SLC25A21: variants seen among roughly 807,000 people sequenced by gnomAD.
The protein encoded by SLC25A21 is solute carrier family 25 member 21, also known as mitochondrial 2-oxodicarboxylate carrier.
SLC25A21 carries 47 observed loss-of-function variants against 43.8 expected under a neutral mutation model. The observed-to-expected ratio is 1.07, with a 90% CI of 0.85 to 1.37. SLC25A21 has a LOEUF of 1.37. Among genes scored for constraint, SLC25A21 ranks in the 40% most tolerant of loss-of-function variants. The pLI is 0.00. For missense variants in SLC25A21, 352 were observed against 350.2 expected, an observed-to-expected ratio of 1.00 and a Z score of -0.04; for synonymous variants, 131 against 121.3, an observed-to-expected ratio of 1.08 and a Z score of -0.52.
At chr14:36,708,765 T>C (rs201965187) in intron 7 of SLC25A21, among the ~76,000 whole-genome samples, 1 of 100,136 alleles carries the variant, frequency 1.0e-5, no homozygotes, top group Admixed American at 1.1e-4. Context: ...TTTTTTTTTT[T>C]GTAGCGATGA....
At chr14:37,126,354 A>G (rs572614326) in intron 1 of SLC25A21, among the ~76,000 whole-genome samples, 1 of 152,168 alleles carries the variant, frequency 6.6e-6, no homozygotes, top group South Asian at 2.1e-4. Flanking sequence ...CAATGCCCTC[A>G]CTATAATATA....
chr14:36,757,555 C>T (rs891470951), intron 3 of SLC25A21, among the ~76,000 whole-genome samples: 3 of 152,140 alleles, frequency 2.0e-5, no homozygotes, highest in Admixed American at 2.0e-4. Context: ...CCATTACTTG[C>T]CTTTTGTACT....
intron 1 of SLC25A21, among the ~76,000 whole-genome samples, chr14:37,019,893 T>C (rs1465085325): frequency 1.3e-5 from 2 of 151,468 alleles, no homozygotes; most frequent in African/African-American, 4.9e-5. Context: ...AAGATATAGA[T>C]GGAATAAAAG....
At position 36,874,999 on chromosome 14, in the gene SLC25A21, C is replaced by A. The variant is rs138873238; in HGVS notation, c.76G>T (p.Val26Leu). ...QIVAGGSAGL[V>L]EICLMHPLDV... ...AGGGGGTGCATCAGGCAAATTTCTACAAGACCTGAAAGATGATAAAGAAAA... is the reference window on the plus strand; with the variant it reads ...AGGGGGTGCATCAGGCAAATTTCTAAAAGACCTGAAAGATGATAAAGAAAA... Residue 26 changes from valine to leucine, a missense_variant, in exon 2 of 10, where the codon GTA becomes TTA. Val to Leu is a conservative substitution (Grantham distance 32). Transcript: ENST00000331299. 2.6e-4 allele frequency: 412 copies of A among 1,589,468 alleles called. 3 individuals carry two copies. The African/African-American group carries it at 5.3e-3, about 20-fold the overall frequency.
intron 2 of SLC25A21, among the ~76,000 whole-genome samples, chr14:36,825,211 G>T (rs960078889): frequency 6.6e-6 from 1 of 152,096 alleles, no homozygotes; most frequent in African/African-American, 2.4e-5. Context: ...TATCGTCAAG[G>T]CCAGTATAAA....
At chr14:36,821,899 C>A (rs537737606) in intron 2 of SLC25A21, among the ~76,000 whole-genome samples, 1 of 152,308 alleles carries the variant, frequency 6.6e-6, no homozygotes, top group East Asian at 1.9e-4. Flanking sequence ...TGCCTTAGCA[C>A]TGACTGAGCT....
intron 1 of SLC25A21, among the ~76,000 whole-genome samples, chr14:36,933,694 A>C (rs1168600597): frequency 6.6e-6 from 1 of 152,148 alleles, no homozygotes; most frequent in Non-Finnish European, 1.5e-5. Context: ...AGCAAGAGGA[A>C]TCAGGAAACT....
At chr14:36,708,744 G>GTTT (rs58837881) in intron 7 of SLC25A21, among the ~76,000 whole-genome samples, 84 of 108,428 alleles carry the variant, frequency 7.7e-4, no homozygotes, top group Non-Finnish European at 1.0e-3. Context: ...GCTAACGTTA[G>GTTT]TTTTTTTTTT....
rs1555349804 is a variant in SLC25A21, at chr14:37,144,924, G to GTTGTTGTT, written c.70+27356_70+27357insAACAACAA. On this transcript the variant is annotated intron_variant, in intron 1 of 9. Coordinates refer to ENST00000331299, the MANE Select transcript of SLC25A21 (RefSeq NM_030631.4). Reference sequence around the variant, plus strand: ...CTGTGATTACACGCCCAGCCTGGGTGGTTGTTGTTGTTGTTGTTGTTGTTG... The same window carrying GTTGTTGTT: ...CTGTGATTACACGCCCAGCCTGGGTGTTGTTGTTGTTGTTGTTGTTGTTGTTGTTGTTG... Among the ~76,000 whole-genome samples the GTTGTTGTT allele has an allele frequency of 9.2e-3, 1,384 of 150,456 alleles. 41 individuals carry two copies. Among genetic ancestry groups the GTTGTTGTT allele is most frequent in the Admixed American group, 0.054 (818 of 15,144 alleles).
chr14:37,103,281 C>G (rs887887763), intron 1 of SLC25A21, among the ~76,000 whole-genome samples: 2 of 152,172 alleles, frequency 1.3e-5, no homozygotes, highest in African/African-American at 4.8e-5. Context: ...AGGGATTACA[C>G]TAAATTACAC....
At chr14:36,726,674 A>G (rs972030024) in intron 5 of SLC25A21, among the ~76,000 whole-genome samples, 2 of 152,244 alleles carry the variant, frequency 1.3e-5, no homozygotes, top group East Asian at 1.9e-4. Flanking sequence ...TGCATCAAAA[A>G]TAAGCACAAC....
chr14:37,033,549 G>A (rs1961263999), intron 1 of SLC25A21, among the ~76,000 whole-genome samples: 2 of 152,226 alleles, frequency 1.3e-5, no homozygotes, highest in South Asian at 4.1e-4. Flanking sequence ...CATCCTCCAG[G>A]GCCTAGAAGA....
At chr14:36,986,710 AGG>A (rs1384540242) in intron 1 of SLC25A21, among the ~76,000 whole-genome samples, 2 of 152,042 alleles carry the variant, frequency 1.3e-5, no homozygotes, top group Non-Finnish European at 2.9e-5. Flanking sequence ...TCTGGAGTTT[AGG>A]GGAGGAATTG....
At chr14:36,978,949 G>T (rs540438117) in intron 1 of SLC25A21, among the ~76,000 whole-genome samples, 2 of 152,230 alleles carry the variant, frequency 1.3e-5, no homozygotes, top group African/African-American at 4.8e-5. Flanking sequence ...TTAGCCAGAC[G>T]TGCTGCCACG....
intron 3 of SLC25A21, among the ~76,000 whole-genome samples, chr14:36,768,363 C>T (rs1311884268): frequency 6.6e-6 from 1 of 152,122 alleles, no homozygotes; most frequent in African/African-American, 2.4e-5. Context: ...AAAGAGAAAA[C>T]CAGAATTGGT....
At chr14:36,773,252 C>T (rs1594574683) in intron 3 of SLC25A21, among the ~76,000 whole-genome samples, 1 of 152,212 alleles carries the variant, frequency 6.6e-6, no homozygotes, top group African/African-American at 2.4e-5. Context: ...TGTGTCTTCT[C>T]AGCTGTGAGT....
chr14:37,053,157 A>T (rs1961747625), intron 1 of SLC25A21, among the ~76,000 whole-genome samples: 1 of 152,222 alleles, frequency 6.6e-6, no homozygotes, highest in Non-Finnish European at 1.5e-5. Context: ...AGGCTTTTCA[A>T]TAGCAATGTT....
At chr14:36,927,067 G>A (rs954717353) in intron 1 of SLC25A21, among the ~76,000 whole-genome samples, 1 of 152,166 alleles carries the variant, frequency 6.6e-6, no homozygotes, top group Non-Finnish European at 1.5e-5. Context: ...CTACTCAGGA[G>A]GCTGAGACAC....
intron 4 of SLC25A21, among the ~76,000 whole-genome samples, chr14:36,731,607 T>G (rs1167196319): frequency 6.6e-6 from 1 of 152,190 alleles, no homozygotes; most frequent in Non-Finnish European, 1.5e-5. Context: ...CTGGGGCTGC[T>G]GAAGCTTTCC....
Sources: gnomAD v4.1 joint callset for allele counts (sites outside exome capture counted in the v4.1 genomes callset) on GRCh38, gnomAD v4.1.1 for gene constraint, MANE v1.5 for transcripts, NCBI Gene and HGNC (gene_info 2026-07-23, HGNC 2026-07-21) for gene names.